The following EDN3 variants were observed in gnomAD, a reference collection of about 807,000 sequenced individuals.
The protein encoded by EDN3 is endothelin-3.
A neutral mutation model predicts 21.4 loss-of-function variants in EDN3; 9 were observed. The observed-to-expected ratio is 0.42, with a 90% CI of 0.25 to 0.73. The LOEUF is 0.73. Among genes scored for constraint, EDN3 ranks in the 30% least tolerant of loss-of-function variants. The pLI is 0.26. For missense variants in EDN3, 327 were observed against 309.4 expected, an observed-to-expected ratio of 1.06 and a Z score of -0.43; for synonymous variants, 133 against 126.2, an observed-to-expected ratio of 1.05 and a Z score of -0.36.
At chr20:59,308,314 C>T (rs1229724515) in intron 2 of EDN3, among the ~76,000 whole-genome samples, 1 of 152,200 alleles carries the variant, frequency 6.6e-6, no homozygotes, top group Non-Finnish European at 1.5e-5. Context: ...TGTCTTCTTG[C>T]TTCTTGGTGT....
chr20:59,302,792 C>T (rs547188428), intron 2 of EDN3, among the ~76,000 whole-genome samples: 6 of 152,232 alleles, frequency 3.9e-5, no homozygotes, highest in South Asian at 2.1e-4. Flanking sequence ...CACCGTGTCC[C>T]GGAGCCGTCT....
chr20:59,311,387 A>G (rs1379942721), intron 2 of EDN3, among the ~76,000 whole-genome samples: 1 of 152,194 alleles, frequency 6.6e-6, no homozygotes, highest in Non-Finnish European at 1.5e-5. Flanking sequence ...GAGCAGTGGT[A>G]TGGGCTGCTT....
At chr20:59,302,417 A>T (rs774268515) in intron 2 of EDN3, among the ~76,000 whole-genome samples, 14 of 152,206 alleles carry the variant, frequency 9.2e-5, no homozygotes, top group African/African-American at 2.6e-4. Flanking sequence ...AGACAGCACC[A>T]TCCTGAATTT....
In EDN3 at chr20:59,322,632, C is replaced by G. The variant is rs1022151834; in HGVS notation, c.588+215C>G. Among the ~76,000 whole-genome samples, 13 of 152,202 alleles carry G rather than the reference C, an allele frequency of 8.5e-5. No individual in the cohort carries two copies. Among genetic ancestry groups the G allele is most frequent in the Non-Finnish European group, 1.5e-4 (10 of 68,038 alleles). On this transcript the variant is annotated intron_variant, in intron 4 of 4. Transcript: ENST00000337938. This position sits in a 1 kb window ranked among gnomAD's most constrained non-coding sequence, Gnocchi z 4.1. ...CTGAAGCTGTGGACAGCTGCTGTCA[C>G]TTGTCGGTCCCTGGCCACCCTGCTC...
rs781753009 is a variant in EDN3, at chr20:59,322,478, C to T, written c.588+61C>T. 38 of 1,278,538 alleles carry T rather than the reference C, an allele frequency of 3.0e-5. No homozygotes were observed. Among genetic ancestry groups the T allele is most frequent in the Non-Finnish European group, 3.8e-5 (33 of 877,316 alleles). 79.2% of individuals were successfully genotyped at this position (1,278,538 alleles called of 1,614,324 possible). ...GTGAAGATGTGACGTGTCATTCCTT[C>T]GGGGGTGGGTGGAGGGTGTTTTGAG... is the stretch of plus-strand genomic sequence containing the variant. On this transcript the variant is annotated intron_variant, in intron 4 of 4. Transcript: ENST00000337938. The surrounding 1 kb of genome is among the most constrained non-coding windows in gnomAD (Gnocchi z 4.1).
chr20:59,309,911 G>A (rs197186), intron 2 of EDN3, among the ~76,000 whole-genome samples: 21,436 of 152,068 alleles, frequency 0.14, 4,306 homozygotes, highest in African/African-American at 0.45. Context: ...GGAGACAGAG[G>A]GACTTGAGGC....
intron 2 of EDN3, among the ~76,000 whole-genome samples, chr20:59,318,779 T>C (rs983206305): frequency 2.6e-5 from 4 of 152,236 alleles, no homozygotes; most frequent in African/African-American, 9.6e-5. Context: ...TAAAACACTT[T>C]GGAGTGTTTT....
rs553061534 is a variant in EDN3 at position 59,322,313 on chromosome 20, G to A, written c.543-59G>A. ...GAAGAGGAAGTCATAATTTGACACC[G>A]AAAAACCAGCCACAGGGAAAGGCAG... is the stretch of plus-strand genomic sequence containing the variant. On this transcript the variant is annotated intron_variant, in intron 3 of 4. Coordinates refer to ENST00000337938, the MANE Select transcript of EDN3 (RefSeq NM_207034.3). The surrounding 1 kb of genome is among the most constrained non-coding windows in gnomAD (Gnocchi z 4.1). 1.1e-5 allele frequency: 18 copies of A among 1,604,868 alleles called. No individual in the cohort carries two copies. The highest frequency in any genetic ancestry group is 3.3e-5 in the South Asian group (3 of 90,848).
At chr20:59,320,971 A>C (rs760955206) in intron 2 of EDN3, 46 bp from the exon 3 acceptor site, 4 of 1,611,790 alleles carry the variant, frequency 2.5e-6, no homozygotes. Context: ...GCCCCTGAGC[A>C]GGGAGGCCTG....
At chr20:59,307,230 C>A (rs571296466) in intron 2 of EDN3, among the ~76,000 whole-genome samples, 1 of 152,292 alleles carries the variant, frequency 6.6e-6, no homozygotes, top group East Asian at 1.9e-4. Flanking sequence ...GAGGGCCAGT[C>A]TTTCTGCCAT....
intron 2 of EDN3, among the ~76,000 whole-genome samples, chr20:59,311,475 G>T (rs926421774): frequency 9.9e-5 from 15 of 152,094 alleles, no homozygotes; most frequent in Admixed American, 8.5e-4. Context: ...TGGAACTGAG[G>T]TTCCCCCTTC....
At chr20:59,323,711 A>G (rs1990682151) in intron 4 of EDN3, 1 of 400,752 alleles carries the variant, frequency 2.5e-6, no homozygotes, top group African/African-American at 2.1e-5. Flanking sequence ...TGAGTGAGGG[A>G]AAGGGATTTC....
intron 2 of EDN3, among the ~76,000 whole-genome samples, chr20:59,317,429 G>T (rs1322540778): frequency 6.6e-6 from 1 of 152,176 alleles, no homozygotes; most frequent in Non-Finnish European, 1.5e-5. Flanking sequence ...TTTGCTTATG[G>T]CACTTTGCTA....
chr20:59,304,040 T>C (rs1257295638), intron 2 of EDN3, among the ~76,000 whole-genome samples: 1 of 151,996 alleles, frequency 6.6e-6, no homozygotes, highest in African/African-American at 2.4e-5. Context: ...CCCTCCTTTC[T>C]TTCTTACCCT....
intron 2 of EDN3, among the ~76,000 whole-genome samples, chr20:59,308,991 T>A (rs1989618614): frequency 6.6e-6 from 1 of 152,216 alleles, no homozygotes; most frequent in African/African-American, 2.4e-5. Flanking sequence ...AAGGTGTGCC[T>A]GGCTGTCTGC....
rs531236461 is a variant in EDN3 at position 59,319,586 on chromosome 20, C to T, written c.366-1431C>T. 9.9e-5 allele frequency among the ~76,000 whole-genome samples: 15 copies of T among 151,748 alleles called. No individual in the cohort carries two copies. In the South Asian group the frequency reaches 1.0e-3, roughly 11 times the overall value. On this transcript the variant is annotated intron_variant, in intron 2 of 4. Coordinates refer to ENST00000337938, the MANE Select transcript of EDN3 (RefSeq NM_207034.3). ...ATAACAATAATAATAATTAGCCGGG[C>T]GTGGTGGCACATGCCTGTAGTCCCA...
intron 2 of EDN3, among the ~76,000 whole-genome samples, chr20:59,306,544 G>T (rs974483007): frequency 7.5e-6 from 1 of 132,890 alleles, no homozygotes; most frequent in Non-Finnish European, 1.5e-5. Flanking sequence ...ACTTAATCCA[G>T]CAGGAATGCC....
At chr20:59,302,219 G>C (rs138416951) in intron 2 of EDN3, among the ~76,000 whole-genome samples, 1 of 152,142 alleles carries the variant, frequency 6.6e-6, no homozygotes, top group Non-Finnish European at 1.5e-5. Context: ...CAGTCCACTC[G>C]GGGTAGAATT....
chr20:59,300,918 C>G (rs1988961931), intron 1 of EDN3, 54 bp downstream of exon 1: 1 of 1,591,366 alleles, frequency 6.3e-7, no homozygotes, highest in Admixed American at 1.7e-5. Flanking sequence ...CAAAAGGACC[C>G]AGGGCGGGGG....
Sources: allele counts gnomAD v4.1 joint callset (sites outside exome capture counted in the v4.1 genomes callset), GRCh38; gene constraint gnomAD v4.1.1; non-coding constraint Gnocchi (gnomAD v3.1); transcripts MANE v1.5; gene names NCBI Gene and HGNC (gene_info 2026-07-23, HGNC 2026-07-21).